FOXP2: variants seen among roughly 807,000 people sequenced by gnomAD.
The protein encoded by FOXP2 is forkhead box protein P2.
Under a neutral mutation model 115.8 loss-of-function variants are expected in FOXP2, and 12 were observed. The ratio of observed to expected loss-of-function variants is 0.10; its 90% CI spans 0.07 to 0.17. The LOEUF (loss-of-function observed/expected upper bound fraction) is 0.17, where lower values mean the gene tolerates loss of function less well. Among genes scored for constraint, FOXP2 ranks in the 10% least tolerant of loss-of-function variants. The pLI is 1.00. For missense variants in FOXP2, 629 were observed against 843.5 expected (o/e 0.75, Z 3.15); for synonymous variants, 328 against 297.7 (o/e 1.10, Z -1.05).
chr7:114,361,742 TA>T (rs1229323798), intron 2 of FOXP2, among the ~76,000 whole-genome samples: 1 of 152,078 alleles, frequency 6.6e-6, no homozygotes, highest in Non-Finnish European at 1.5e-5. Flanking sequence ...TAAACATTAT[TA>T]AAAACTTGTT....
chr7:114,359,943 G>T (rs184326575), intron 2 of FOXP2, among the ~76,000 whole-genome samples: 1 of 152,108 alleles, frequency 6.6e-6, no homozygotes, highest in Non-Finnish European at 1.5e-5. Flanking sequence ...CAGCATGATT[G>T]GTTTTGAAAT....
chr7:114,417,515 A>C (rs1793402015), intron 1 of FOXP2, among the ~76,000 whole-genome samples: 1 of 151,990 alleles, frequency 6.6e-6, no homozygotes, highest in Non-Finnish European at 1.5e-5. Context: ...CAAGTCCTGT[A>C]ATGATGATGC....
intron 2 of FOXP2, among the ~76,000 whole-genome samples, chr7:114,531,227 A>G (rs948380550): frequency 6.6e-6 from 1 of 151,826 alleles, no homozygotes; most frequent in Non-Finnish European, 1.5e-5. Context: ...GTGACCATCT[A>G]AATGACTAGA....
At chr7:114,415,749 T>C (rs1793311920) in intron 1 of FOXP2, among the ~76,000 whole-genome samples, 1 of 151,976 alleles carries the variant, frequency 6.6e-6, no homozygotes, top group Non-Finnish European at 1.5e-5. Context: ...GCGCAAGTTT[T>C]TGAAAAGGGA....
At chr7:114,653,415 T>TAAAAAA in intron 9 of FOXP2, 40 of 175,030 alleles carry the variant, frequency 2.3e-4, no homozygotes, top group South Asian at 1.6e-3. Context: ...AGTTCAGCGT[T>TAAAAAA]TCACACTGCC....
chr7:114,122,351 G>A (rs1475406867), intron 1 of FOXP2, among the ~76,000 whole-genome samples: 1 of 149,502 alleles, frequency 6.7e-6, no homozygotes. Flanking sequence ...AATATAAAAT[G>A]TAGTTTCTCA....
chr7:114,267,769 AAATAAATAAATAAAAT>A (rs1177219049), intron 1 of FOXP2, among the ~76,000 whole-genome samples: 181 of 144,266 alleles, frequency 1.3e-3, no homozygotes, highest in African/African-American at 4.1e-3. Context: ...ATAAATAAAT[AAATAAATAAATAAAAT>A]AAATATATAT....
chr7:114,486,814 C>T (rs1192804987), intron 2 of FOXP2, among the ~76,000 whole-genome samples: 1 of 152,204 alleles, frequency 6.6e-6, no homozygotes. Context: ...CCATGTCTCA[C>T]ATCCAGGTCA....
intron 3 of FOXP2, among the ~76,000 whole-genome samples, chr7:114,601,845 A>G (rs2129313910): frequency 6.6e-6 from 1 of 152,206 alleles, no homozygotes; most frequent in Non-Finnish European, 1.5e-5. Flanking sequence ...AAATTCGTTG[A>G]AATTTGTTTT....
At chr7:114,537,174 T>A (rs974378011) in intron 3 of FOXP2, among the ~76,000 whole-genome samples, 1 of 151,646 alleles carries the variant, frequency 6.6e-6, no homozygotes, top group Non-Finnish European at 1.5e-5. Context: ...TCTTATATAA[T>A]TCTCTCAAAA....
rs923329122 is a variant in FOXP2, at chr7:114,693,574, C to G, written c.*3648C>G. The stretch of plus-strand genomic sequence containing the variant: ...GTTATTTCACTAGTTCAGGTTGCAA[C>G]GAAAGGTTTTTTTGTCCATGAACAC... On this transcript the variant is annotated 3_prime_UTR_variant, in exon 17 of 17. Transcript: ENST00000350908. 1 of 452,994 alleles carries G rather than the reference C, an allele frequency of 2.2e-6. No homozygotes were observed. Among genetic ancestry groups the G allele is most frequent in the South Asian group, 1.6e-5 (1 of 64,282 alleles). The allele number at this position is 452,994 out of a possible 1,614,324, so 28.1% of individuals were successfully genotyped here. A position where few individuals can be genotyped will look rare whatever the true frequency, so the allele number is the denominator to read the frequency against.
rs1250177662 is a variant in FOXP2 at position 114,354,936 on chromosome 7, G to A, written c.-11+66827G>A. 3.9e-5 allele frequency among the ~76,000 whole-genome samples: 6 copies of A among 152,018 alleles called. No homozygotes were observed. In the South Asian group the frequency reaches 8.3e-4, roughly 21 times the overall value. ...ATTATTTTCATATTTGTAAATAAAC[G>A]AGCATTGCTATTGCTTTTTCTGTCA... On this transcript the variant is annotated intron_variant, in intron 2 of 17. Transcript: ENST00000634411.
chr7:114,537,721 A>G (rs11977746), intron 3 of FOXP2, among the ~76,000 whole-genome samples: 1,735 of 151,836 alleles, frequency 0.011, 29 homozygotes, highest in African/African-American at 0.036. Flanking sequence ...TTGAGTGCCA[A>G]TTGTAGTAGT....
intron 2 of FOXP2, among the ~76,000 whole-genome samples, chr7:114,328,249 T>G (rs1299923701): frequency 6.1e-4 from 91 of 149,002 alleles, no homozygotes; most frequent in Non-Finnish European, 6.4e-4. Context: ...TTTTTTTTTT[T>G]TTTTTGAGAC....
chr7:114,254,955 T>G (rs1241333846), intron 1 of FOXP2, among the ~76,000 whole-genome samples: 3 of 152,226 alleles, frequency 2.0e-5, no homozygotes, highest in Non-Finnish European at 4.4e-5. Context: ...GATGGTGACG[T>G]ACAGATGAGG....
chr7:114,444,863 T>C (rs1271799314), intron 2 of FOXP2, among the ~76,000 whole-genome samples: 2 of 152,054 alleles, frequency 1.3e-5, no homozygotes, highest in African/African-American at 2.4e-5. Flanking sequence ...CTCTTAATAG[T>C]GGTTATGTCT....
intron 2 of FOXP2, among the ~76,000 whole-genome samples, chr7:114,405,183 G>A (rs1793003176): frequency 6.6e-6 from 1 of 151,786 alleles, no homozygotes; most frequent in Non-Finnish European, 1.5e-5. Context: ...ATACATTTAT[G>A]TGTGTAGGTT....
At chr7:114,512,109 A>G (rs1228944170) in intron 2 of FOXP2, among the ~76,000 whole-genome samples, 4 of 152,070 alleles carry the variant, frequency 2.6e-5, no homozygotes, top group African/African-American at 9.7e-5. Context: ...TAATATAGTT[A>G]GTTATTGGCT....
chr7:114,538,180 A>G (rs965601307), intron 3 of FOXP2: 3 of 432,474 alleles, frequency 6.9e-6, no homozygotes, highest in Non-Finnish European at 9.0e-6. Flanking sequence ...GCCAACATGC[A>G]CATACACACA....
Sources: allele counts gnomAD v4.1 joint callset (sites outside exome capture counted in the v4.1 genomes callset), GRCh38; gene constraint gnomAD v4.1.1; transcripts MANE v1.5; gene names NCBI Gene and HGNC (gene_info 2026-07-23, HGNC 2026-07-21).